The following MCU variants were observed in gnomAD, a reference collection of about 807,000 sequenced individuals.
The protein encoded by MCU is calcium uniporter protein, mitochondrial.
In MCU, 12 loss-of-function variants were observed where a neutral mutation model predicts 45.2. The ratio of observed to expected loss-of-function variants is 0.27; its 90% confidence interval spans 0.17 to 0.43. The LOEUF is 0.43. Among genes scored for constraint, MCU ranks in the 20% least tolerant of loss-of-function variants. MCU has a pLI of 1.00. For missense variants in MCU, 324 were observed against 436.7 expected, an observed-to-expected ratio of 0.74 and a Z score of 2.30; for synonymous variants, 160 against 165.1, an observed-to-expected ratio of 0.97 and a Z score of 0.24.
At chr10:72,729,104 G>T (rs919507824) in intron 1 of MCU, among the ~76,000 whole-genome samples, 1 of 152,128 alleles carries the variant, frequency 6.6e-6, no homozygotes, top group Non-Finnish European at 1.5e-5. Context: ...ATACCAAAAG[G>T]CTCTAAACCC....
chr10:72,797,368 T>A (rs1844266160), intron 1 of MCU, among the ~76,000 whole-genome samples: 1 of 136,822 alleles, frequency 7.3e-6, no homozygotes, highest in Non-Finnish European at 1.6e-5. Context: ...GGATTGCAGG[T>A]GTAAACCACC....
At chr10:72,735,490 A>G (rs901469058) in intron 1 of MCU, among the ~76,000 whole-genome samples, 1 of 152,166 alleles carries the variant, frequency 6.6e-6, no homozygotes, top group African/African-American at 2.4e-5. Flanking sequence ...TCTGGGCTCT[A>G]TTAATAGAAG....
intron 1 of MCU, among the ~76,000 whole-genome samples, chr10:72,732,527 A>G (rs550366979): frequency 1.7e-4 from 26 of 152,228 alleles, no homozygotes; most frequent in Non-Finnish European, 2.2e-4. Flanking sequence ...AGCACTGCTA[A>G]TATAGATCAA....
At chr10:72,764,879 G>A (rs1334837141) in intron 1 of MCU, among the ~76,000 whole-genome samples, 6 of 152,070 alleles carry the variant, frequency 3.9e-5, no homozygotes, top group Non-Finnish European at 8.8e-5. Flanking sequence ...CCACTAAATA[G>A]ATTCATTAAT....
chr10:72,865,902 G>GAGT (rs1845446428), intron 4 of MCU, among the ~76,000 whole-genome samples: 2 of 151,128 alleles, frequency 1.3e-5, no homozygotes, highest in Non-Finnish European at 2.9e-5. Flanking sequence ...TCAGCCTCCT[G>GAGT]AGTAGCTGGG....
intron 1 of MCU, among the ~76,000 whole-genome samples, chr10:72,804,861 T>A (rs1844406441): frequency 6.6e-6 from 1 of 152,352 alleles, no homozygotes; most frequent in Middle Eastern, 3.4e-3. Flanking sequence ...AGCCTCAATC[T>A]CCCAGGCCCA....
chr10:72,809,375 T>C (rs1844503423), intron 1 of MCU, among the ~76,000 whole-genome samples: 1 of 152,136 alleles, frequency 6.6e-6, no homozygotes, highest in South Asian at 2.1e-4. Context: ...ATTATATTAA[T>C]ATTCATAGAA....
intron 1 of MCU, chr10:72,736,715 CTTAACAAA>C: frequency 6.6e-6 from 1 of 152,316 alleles, no homozygotes; most frequent in South Asian, 2.1e-4. Context: ...CTCTCATGTA[CTTAACAAA>C]TCTGTAACAT....
intron 6 of MCU, among the ~76,000 whole-genome samples, chr10:72,873,238 T>G (rs1845573190): frequency 6.6e-6 from 1 of 152,064 alleles, no homozygotes; most frequent in Non-Finnish European, 1.5e-5. Context: ...CAGGATGGTC[T>G]CGATCTCCTG....
chr10:72,843,711 C>A (rs1845079391), intron 2 of MCU, among the ~76,000 whole-genome samples: 1 of 152,098 alleles, frequency 6.6e-6, no homozygotes. Context: ...TAAGAAAACA[C>A]CAAACCGTCT....
chr10:72,754,431 G>A (rs1843545619), intron 1 of MCU, among the ~76,000 whole-genome samples: 1 of 152,140 alleles, frequency 6.6e-6, no homozygotes, highest in South Asian at 2.1e-4. Flanking sequence ...CTTCTATTAT[G>A]TATCATGCAG....
At chr10:72,761,189 A>G in intron 1 of MCU, among the ~76,000 whole-genome samples, 1 of 152,242 alleles carries the variant, frequency 6.6e-6, no homozygotes, top group East Asian at 1.9e-4. Flanking sequence ...AATATTGCTA[A>G]TGTTTTGCAG....
intron 2 of MCU, among the ~76,000 whole-genome samples, chr10:72,837,589 A>G (rs1844973247): frequency 6.6e-6 from 1 of 152,208 alleles, no homozygotes; most frequent in East Asian, 1.9e-4. Context: ...TGGTTGTGGT[A>G]GTGCTAAAGA....
At chr10:72,734,237 T>G (rs560990047) in intron 1 of MCU, among the ~76,000 whole-genome samples, 5 of 152,158 alleles carry the variant, frequency 3.3e-5, no homozygotes, top group African/African-American at 1.2e-4. Context: ...TGGAGCAAGA[T>G]CCTGTTTCTA....
intron 1 of MCU, among the ~76,000 whole-genome samples, chr10:72,697,680 C>G (rs1253806474): frequency 6.6e-6 from 1 of 151,692 alleles, no homozygotes; most frequent in Non-Finnish European, 1.5e-5. Context: ...GTGATCCACC[C>G]ACCTCGGCCT....
chr10:72,849,544 A>C (rs1424950730), intron 2 of MCU, among the ~76,000 whole-genome samples: 1 of 152,162 alleles, frequency 6.6e-6, no homozygotes, highest in East Asian at 1.9e-4. Context: ...ATCAGCATTT[A>C]CATGAGACTT....
chr10:72,867,064 T>C (rs1845468275), intron 4 of MCU, among the ~76,000 whole-genome samples: 1 of 149,742 alleles, frequency 6.7e-6, no homozygotes, highest in Admixed American at 6.8e-5. Context: ...GCATACAAGA[T>C]ACCCAGCTAG....
chr10:72,763,126 CTG>C (rs1346109278), intron 1 of MCU, among the ~76,000 whole-genome samples: 4 of 152,148 alleles, frequency 2.6e-5, no homozygotes, highest in Admixed American at 2.0e-4. Context: ...GATTAAATAA[CTG>C]TGATTAGATT....
At chr10:72,778,532 C>CG (rs1336125150) in intron 1 of MCU, among the ~76,000 whole-genome samples, 1 of 151,684 alleles carries the variant, frequency 6.6e-6, no homozygotes, top group Non-Finnish European at 1.5e-5. Flanking sequence ...TGGTTGGAGC[C>CG]GGGGGGTGGG....
Sources: allele counts gnomAD v4.1 joint callset (sites outside exome capture counted in the v4.1 genomes callset), GRCh38; gene constraint gnomAD v4.1.1; transcripts MANE v1.5; gene names NCBI Gene and HGNC (gene_info 2026-07-23, HGNC 2026-07-21).